The following NR3C2 variants were observed in gnomAD, a reference collection of about 807,000 sequenced individuals.
NR3C2 encodes nuclear receptor subfamily 3 group C member 2.
Under a neutral mutation model 86.4 loss-of-function variants are expected in NR3C2, and 15 were observed. The observed-to-expected ratio is 0.17, with a 90% CI of 0.12 to 0.27. The LOEUF is 0.27. NR3C2 is among the 10% of genes least tolerant of loss of function. The probability of loss-of-function intolerance (pLI) is 1.00; values close to 1 mark genes in which losing one functional copy is unlikely to be tolerated. For synonymous variants in NR3C2, 458 were observed against 450.5 expected, an observed-to-expected ratio of 1.02 and a Z score of -0.21; for missense variants, 960 against 1,195.6, an observed-to-expected ratio of 0.80 and a Z score of 2.91.
chr4:148,139,487 G>T (rs768832392), intron 6 of NR3C2, among the ~76,000 whole-genome samples: 1 of 152,192 alleles, frequency 6.6e-6, no homozygotes, highest in African/African-American at 2.4e-5. Flanking sequence ...TAGTGCCCAG[G>T]TAAGTGGAGA....
intron 2 of NR3C2, among the ~76,000 whole-genome samples, chr4:148,308,659 A>G (rs1393860026): frequency 6.6e-6 from 1 of 152,156 alleles, no homozygotes; most frequent in African/African-American, 2.4e-5. Context: ...AGTAAATTCT[A>G]GTGTTCTATA....
rs1175876394 is a variant in NR3C2, at chr4:148,120,304, A to T, written c.2511-16T>A. On this transcript the variant is annotated splice_polypyrimidine_tract_variant and intron_variant, in intron 6 of 8. Transcript: ENST00000358102. ...CATCTTCTCTCTGCAAAGGAAAAGA[A>T]GAAAATGTCTGAGAATGCAAGATTC... 1.2e-6 allele frequency: 2 copies of T among 1,613,884 alleles called. No homozygotes were observed. The highest frequency in any genetic ancestry group is 1.7e-6 in the Non-Finnish European group (2 of 1,179,906).
At chr4:148,372,978 C>G (rs1002059722) in intron 2 of NR3C2, among the ~76,000 whole-genome samples, 2 of 152,146 alleles carry the variant, frequency 1.3e-5, no homozygotes, top group Admixed American at 1.3e-4. Flanking sequence ...CATACACATA[C>G]CCAAGAAAGT....
upstream of NR3C2, chr4:148,444,912 C>A (rs1172653120): frequency 1.0e-6 from 1 of 984,916 alleles, no homozygotes; most frequent in Non-Finnish European, 1.2e-6. Context: ...CGCCACTCTC[C>A]GCGCCCCCTC....
intron 6 of NR3C2, among the ~76,000 whole-genome samples, chr4:148,125,977 T>C (rs943857933): frequency 6.6e-6 from 1 of 152,212 alleles, no homozygotes; most frequent in African/African-American, 2.4e-5. Flanking sequence ...GATTGTGACA[T>C]GGGTAAAGCA....
intron 2 of NR3C2, among the ~76,000 whole-genome samples, chr4:148,274,713 T>A (rs868498533): frequency 6.7e-6 from 1 of 150,362 alleles, no homozygotes; most frequent in African/African-American, 2.4e-5. Context: ...TTCTTTTTTT[T>A]TTTTTTTTTG....
At chr4:148,173,948 C>T (rs903080332) in intron 4 of NR3C2, among the ~76,000 whole-genome samples, 1 of 152,288 alleles carries the variant, frequency 6.6e-6, no homozygotes, top group Admixed American at 6.5e-5. Flanking sequence ...GGCTCAGAAC[C>T]TTTCAAGGGG....
intron 2 of NR3C2, among the ~76,000 whole-genome samples, chr4:148,287,763 C>T (rs1290587758): frequency 1.3e-5 from 2 of 151,982 alleles, no homozygotes; most frequent in Non-Finnish European, 2.9e-5. Flanking sequence ...ATAGTAACTC[C>T]TGGACAAGTA....
chr4:148,238,257 A>G (rs1361619255), intron 3 of NR3C2, among the ~76,000 whole-genome samples: 5 of 152,168 alleles, frequency 3.3e-5, no homozygotes, highest in Non-Finnish European at 1.5e-5. Context: ...TCCCTGAGCT[A>G]TATTTCACCA....
chr4:148,338,082 G>C (rs960355285), intron 2 of NR3C2, among the ~76,000 whole-genome samples: 1 of 152,100 alleles, frequency 6.6e-6, no homozygotes, highest in African/African-American at 2.4e-5. Context: ...GTGGATTAAT[G>C]CTATATGTAC....
chr4:148,367,460 T>C (rs1746204477), intron 2 of NR3C2, among the ~76,000 whole-genome samples: 1 of 152,182 alleles, frequency 6.6e-6, no homozygotes, highest in Non-Finnish European at 1.5e-5. Context: ...TAAAAAGTCA[T>C]GGTATTAAAA....
chr4:148,404,553 A>G (rs773853220), intron 2 of NR3C2, among the ~76,000 whole-genome samples: 1 of 152,140 alleles, frequency 6.6e-6, no homozygotes. Context: ...AAGCATAAGT[A>G]TAATGCTAGT....
rs534370950 is a variant in NR3C2, at chr4:148,089,862, C to T, written c.2800-8363G>A. ...AGTCCTGCACACCCACCGCAGCGCT[C>T]GGGACCTCGATGCCCTGGAGTCCCT... On this transcript the variant is annotated intron_variant, in intron 8 of 8. Coordinates refer to ENST00000358102, the MANE Select transcript of NR3C2 (RefSeq NM_000901.5). Among the ~76,000 whole-genome samples, 35 of 152,324 alleles carry T rather than the reference C, an allele frequency of 2.3e-4. No homozygotes were observed. The South Asian group carries it at 2.9e-3, about 13-fold the overall frequency.
intron 2 of NR3C2, among the ~76,000 whole-genome samples, chr4:148,324,749 CTCATG>C (rs563707200): frequency 2.6e-5 from 4 of 152,142 alleles, no homozygotes; most frequent in Non-Finnish European, 4.4e-5. Context: ...TATTGTGGTA[CTCATG>C]TCATATCAAA....
chr4:148,180,585 A>T (rs1479586741), intron 4 of NR3C2, among the ~76,000 whole-genome samples: 3 of 152,166 alleles, frequency 2.0e-5, no homozygotes, highest in Non-Finnish European at 4.4e-5. Context: ...GATAAGAAAA[A>T]AATGCAGTCA....
intron 2 of NR3C2, among the ~76,000 whole-genome samples, chr4:148,295,430 C>G (rs1032759514): frequency 1.3e-5 from 2 of 151,556 alleles, no homozygotes; most frequent in Non-Finnish European, 2.9e-5. Context: ...GCATCCAGTG[C>G]TACCTCTCTG....
At chr4:148,362,465 T>TAAA (rs1745886166) in intron 2 of NR3C2, among the ~76,000 whole-genome samples, 1 of 152,224 alleles carries the variant, frequency 6.6e-6, no homozygotes, top group Non-Finnish European at 1.5e-5. Flanking sequence ...CTTTAAAACT[T>TAAA]TAAAATTTAA....
intron 2 of NR3C2, among the ~76,000 whole-genome samples, chr4:148,401,033 C>T (rs1025587290): frequency 3.3e-5 from 5 of 152,128 alleles, no homozygotes; most frequent in African/African-American, 7.2e-5. Flanking sequence ...CATCAAACAC[C>T]ATGAGTATTC....
At chr4:148,323,225 A>AGTCT (rs1408980243) in intron 2 of NR3C2, among the ~76,000 whole-genome samples, 49 of 139,024 alleles carry the variant, frequency 3.5e-4, no homozygotes, top group African/African-American at 6.8e-4. Context: ...TTGAGGTGGC[A>AGTCT]GTCTGCCCGT....
Sources: allele counts gnomAD v4.1 joint callset (sites outside exome capture counted in the v4.1 genomes callset), GRCh38; gene constraint gnomAD v4.1.1; transcripts MANE v1.5; gene names NCBI Gene and HGNC (gene_info 2026-07-23, HGNC 2026-07-21).